ACR: variants seen among roughly 807,000 people sequenced by gnomAD.
The protein encoded by ACR is acrosin.
A neutral mutation model predicts 26.0 loss-of-function variants in ACR; 17 were observed. The observed-to-expected ratio is 0.65, with a 90% CI of 0.45 to 0.98. The LOEUF (loss-of-function observed/expected upper bound fraction) is 0.98. Among genes scored for constraint, ACR ranks in the 50% least tolerant of loss-of-function variants. The probability of loss-of-function intolerance (pLI) is 0.00; values close to 1 mark genes in which losing one functional copy is unlikely to be tolerated. For synonymous variants in ACR, 199 were observed against 207.7 expected, an observed-to-expected ratio of 0.96 and a Z score of 0.36; for missense variants, 435 against 519.3, an observed-to-expected ratio of 0.84 and a Z score of 1.58.
intron 3 of ACR, among the ~76,000 whole-genome samples, chr22:50,743,234 A>T (rs2083434124): frequency 6.6e-6 from 1 of 151,756 alleles, no homozygotes; most frequent in Admixed American, 6.6e-5. Context: ...ACGGGGTTTC[A>T]CCGTGTTAGC....
chr22:50,742,490 G>C (rs2083428814), intron 3 of ACR, among the ~76,000 whole-genome samples: 1 of 150,258 alleles, frequency 6.7e-6, no homozygotes, highest in Admixed American at 6.6e-5. Context: ...CTTGCAGTGA[G>C]CCGAGATGGC....
intron 3 of ACR, 146 bp downstream of exon 3, chr22:50,740,123 C>A: frequency 9.4e-7 from 1 of 1,059,830 alleles, no homozygotes; most frequent in Non-Finnish European, 1.4e-6. Flanking sequence ...TGTGGCCTTC[C>A]ACAGTCCCCT....
Position 50,745,062 on chromosome 22 carries a change from C to A in ACR, c.1121C>A (p.Ser374Tyr). Residue 374 changes from serine (S) to tyrosine (Y), a missense_variant, in exon 5 of 5, where the codon TCT (serine) becomes TAT (tyrosine). Coordinates refer to ENST00000216139, the MANE Select transcript of ACR (RefSeq NM_001097.3). The part of the protein sequence containing the change: ...PPPPPPPTPS[S>Y]TTKLPQGLSF... ...CCCCCACCCCCACCTACACCCTCAT[C>A]TACCACAAAACTTCCCCAAGGACTT... The A allele has an allele frequency of 3.3e-6, 2 of 611,412 alleles. No homozygotes were observed. The highest frequency in any genetic ancestry group is 4.3e-4 in the Middle Eastern group (1 of 2,328). 37.9% of individuals were successfully genotyped at this position (611,412 alleles called of 1,614,324 possible). A position where few individuals can be genotyped will look rare whatever the true frequency, so the allele number is the denominator to read the frequency against.
chr22:50,741,603 C>T (rs1382361328), intron 3 of ACR, among the ~76,000 whole-genome samples: 1 of 151,952 alleles, frequency 6.6e-6, no homozygotes, highest in Non-Finnish European at 1.5e-5. Context: ...AATAGGATCA[C>T]TCTGTTTCTG....
intron 3 of ACR, chr22:50,740,262 C>G (rs1456203972): frequency 1.7e-6 from 1 of 575,236 alleles, no homozygotes; most frequent in Non-Finnish European, 3.1e-6. Context: ...GGGGCCCAAG[C>G]TGCTGGATCC....
chr22:50,743,920 A>G lies in ACR; in HGVS notation c.566-141A>G, dbSNP rs2083437761. The G allele has an allele frequency of 5.4e-6, 4 of 737,312 alleles. No individual in the cohort carries two copies. In the Admixed American group the frequency reaches 6.7e-5, roughly 12 times the overall value. 45.7% of individuals were successfully genotyped at this position (737,312 alleles called of 1,614,324 possible). A position where few individuals can be genotyped will look rare whatever the true frequency, so the allele number is the denominator to read the frequency against. The stretch of plus-strand genomic sequence containing the variant: ...ACCTCTAGTCTGCTCTTTCTGGTGT[A>G]TAAGGAGGGGTCGGGGCATCGACTG... On this transcript the variant is annotated intron_variant, in intron 3 of 4. Transcript: ENST00000216139.
intron 1 of ACR, among the ~76,000 whole-genome samples, 183 bp downstream of exon 1, chr22:50,738,495 C>A (rs1242901441): frequency 6.6e-6 from 1 of 150,512 alleles, no homozygotes; most frequent in Non-Finnish European, 1.5e-5. Flanking sequence ...AGAGATGGAC[C>A]CCTCAGCACC....
chr22:50,740,793 G>A, intron 3 of ACR: 1 of 691,702 alleles, frequency 1.4e-6, no homozygotes, highest in South Asian at 1.5e-5. Context: ...AGAGTAGGGG[G>A]AATTTCTTCC....
At position 50,744,170 on chromosome 22, in the gene ACR, C is replaced by T. The variant is rs577242211; in HGVS notation, c.675C>T (p.Cys225=). 4.5e-5 allele frequency: 73 copies of T among 1,613,758 alleles called. No homozygotes were observed. The highest frequency in any genetic ancestry group is 1.3e-4 in the Admixed American group (8 of 60,002). The change falls in exon 4 of 5, where the codon TGC becomes TGT. Residue 225 remains cysteine, a synonymous_variant. Transcript: ENST00000216139. ...YNGRVQPTNV[C]AGYPVGKIDT... ...GGCGCGTTCAGCCAACCAATGTGTG[C>T]GCGGGGTATCCTGTAGGCAAGATCG... is the stretch of plus-strand genomic sequence containing the variant.
intron 3 of ACR, among the ~76,000 whole-genome samples, chr22:50,741,454 A>G (rs971495122): frequency 6.6e-6 from 1 of 151,096 alleles, no homozygotes; most frequent in Admixed American, 6.6e-5. Flanking sequence ...GGGGGTCCCT[A>G]TGTTCCTGGG....
chr22:50,740,250 C>T (rs1411698697), intron 3 of ACR: 7 of 583,940 alleles, frequency 1.2e-5, no homozygotes, highest in African/African-American at 1.9e-5. Flanking sequence ...TATTTGGCAC[C>T]TGGGGCCCAA....
rs1427844844 is a variant in ACR, at chr22:50,739,141, T to A, written c.78-130T>A. The A allele has an allele frequency of 2.5e-6, 2 of 808,072 alleles. No homozygotes were observed. Among genetic ancestry groups the A allele is most frequent in the Non-Finnish European group, 4.0e-6 (2 of 503,432 alleles). 50.1% of individuals were successfully genotyped at this position (808,072 alleles called of 1,614,324 possible). A position where few individuals can be genotyped will look rare whatever the true frequency, so the allele number is the denominator to read the frequency against. On this transcript the variant is annotated intron_variant, in intron 1 of 4. Coordinates refer to ENST00000216139, the MANE Select transcript of ACR (RefSeq NM_001097.3). The surrounding 1 kb of genome is among the most constrained non-coding windows in gnomAD (Gnocchi z 5.5). ...CTTCCTACATAGCGCAGGCTGCCCC[T>A]GCTTTCCCAGAACCCGGAAGCTCTT...
rs914845462 is a variant in ACR, at chr22:50,742,492, C to T, written c.566-1569C>T. 2.7e-5 allele frequency among the ~76,000 whole-genome samples: 4 copies of T among 148,960 alleles called. No homozygotes were observed. The South Asian group carries it at 8.5e-4, about 32-fold the overall frequency. On this transcript the variant is annotated intron_variant, in intron 3 of 4. Transcript: ENST00000216139. ...CCAGGAGGCGGAGCTTGCAGTGAGCCGAGATGGCGCCACCGCACTCCAGCC... is the reference window on the plus strand; with the variant it reads ...CCAGGAGGCGGAGCTTGCAGTGAGCTGAGATGGCGCCACCGCACTCCAGCC...
At chr22:50,740,689 C>G (rs2083421323) in intron 3 of ACR, 2 of 702,464 alleles carry the variant, frequency 2.8e-6, no homozygotes, top group Admixed American at 4.0e-5. Context: ...AGAGCTCTGT[C>G]CATAACCAAG....
Position 50,745,099 on chromosome 22 carries a change from G to A in ACR, c.1158G>A (p.Lys386=). Residue 386 remains lysine, a synonymous_variant, in exon 5 of 5, where the codon AAG becomes AAA. Transcript: ENST00000216139. ...TKLPQGLSFA[K]RLQQLIEVLK... The stretch of plus-strand genomic sequence containing the variant: ...TTCCCCAAGGACTTTCTTTTGCCAA[G>A]CGCCTACAGCAGCTCATAGAGGTCT... 1.4e-6 allele frequency: 1 copy of A among 709,356 alleles called. No homozygotes were observed. The highest frequency in any genetic ancestry group is 2.2e-6 in the Non-Finnish European group (1 of 465,032). 43.9% of individuals were successfully genotyped at this position (709,356 alleles called of 1,614,324 possible).
intron 4 of ACR, 37 bp downstream of exon 4, chr22:50,744,243 T>A: frequency 1.3e-6 from 2 of 1,546,660 alleles, no homozygotes; most frequent in Non-Finnish European, 8.9e-7. Context: ...CCTGGGTCCC[T>A]CCAGGACTCT....
Position 50,744,137 on chromosome 22 carries a change from G to A in ACR, c.642G>A (p.Trp214Ter). 1 of 1,613,902 alleles carries A rather than the reference G, an allele frequency of 6.2e-7. No homozygotes were observed. Among genetic ancestry groups the A allele is most frequent in the Non-Finnish European group, 8.5e-7 (1 of 1,179,842 alleles). The change falls in exon 4 of 5, where the codon TGG (tryptophan) becomes TGA (stop). Residue 214 changes from tryptophan to a stop codon, truncating the protein, a stop_gained. Coordinates refer to ENST00000216139, the MANE Select transcript of ACR (RefSeq NM_001097.3). LOFTEE classifies it high-confidence loss of function. ...TGGACTTGTGTAACTCGACCCAGTG[G>A]TACAATGGGCGCGTTCAGCCAACCA... Reference protein sequence around the residue: ...IDLDLCNSTQWYNGRVQPTNV... With the variant: ...IDLDLCNSTQ
intron 3 of ACR, among the ~76,000 whole-genome samples, chr22:50,743,228 G>C (rs1442039649): frequency 6.6e-6 from 1 of 151,880 alleles, no homozygotes; most frequent in Non-Finnish European, 1.5e-5. Flanking sequence ...GTAGAGACGG[G>C]GTTTCACCGT....
In ACR at chr22:50,739,843, C is replaced by A; in HGVS notation, c.431C>A (p.Ala144Asp). Residue 144 changes from alanine (A) to aspartate (D), a missense_variant, in exon 3 of 5, where the codon GCC becomes GAC. Ala to Asp is a moderately radical substitution (Grantham distance 126, BLOSUM62 -2). Coordinates refer to ENST00000216139, the MANE Select transcript of ACR (RefSeq NM_001097.3). The surrounding 1 kb of genome is among the most constrained non-coding windows in gnomAD (Gnocchi z 5.5). ...TCTGCGACAGAGGGAAATGACATTG[C>A]CCTCGTGGAGATCACCCCTCCCATT... Reference protein sequence around the residue: ...YNSATEGNDIALVEITPPISC... With the variant: ...YNSATEGNDIDLVEITPPISC... 6.2e-7 allele frequency: 1 copy of A among 1,612,094 alleles called. No individual in the cohort carries two copies. The highest frequency in any genetic ancestry group is 8.5e-7 in the Non-Finnish European group (1 of 1,178,890).
Sources: gnomAD v4.1 joint callset for allele counts (sites outside exome capture counted in the v4.1 genomes callset) on GRCh38, gnomAD v4.1.1 for gene constraint, Gnocchi (gnomAD v3.1) non-coding constraint, MANE v1.5 for transcripts, NCBI Gene and HGNC (gene_info 2026-07-23, HGNC 2026-07-21) for gene names.